The following DEPDC4 variants were observed in gnomAD, a reference collection of about 807,000 sequenced individuals.
DEPDC4 encodes the protein DEP domain-containing protein 4.
Under a neutral mutation model 52.0 loss-of-function variants are expected in DEPDC4, and 52 were observed. That is an observed-to-expected ratio of 1.00 (90% CI 0.80 to 1.26). DEPDC4 has a LOEUF of 1.26. DEPDC4 is among the 50% of genes most tolerant of loss of function. The probability of loss-of-function intolerance (pLI) is 0.00; values close to 1 mark genes in which losing one functional copy is unlikely to be tolerated. For synonymous variants in DEPDC4, 201 were observed against 196.8 expected (o/e 1.02, Z -0.18); for missense variants, 530 against 546.9 (o/e 0.97, Z 0.31).
At chr12:100,247,096 G>C (rs2096188541) in intron 8 of DEPDC4, among the ~76,000 whole-genome samples, 1 of 151,446 alleles carries the variant, frequency 6.6e-6, no homozygotes, top group South Asian at 2.1e-4. Flanking sequence ...AGATAAAATA[G>C]GTAAGCTATT....
intron 2 of DEPDC4, 44 bp from the exon 3 acceptor site, chr12:100,262,453 C>A (rs762693428): frequency 7.0e-7 from 1 of 1,419,940 alleles, no homozygotes. Flanking sequence ...TACACAGAAC[C>A]AAAATTTCAA....
chr12:100,244,310 G>A lies in DEPDC4; in HGVS notation c.1454-1741C>T, dbSNP rs576700007. 2.4e-3 allele frequency among the ~76,000 whole-genome samples: 367 copies of A among 149,812 alleles called. 2 individuals carry two copies. The highest frequency in any genetic ancestry group is 8.5e-3 in the African/African-American group (346 of 40,804). On this transcript the variant is annotated intron_variant, in intron 8 of 9. Coordinates refer to ENST00000550587, the MANE Select transcript of DEPDC4 (RefSeq NM_001364818.2). Reference sequence around the variant, plus strand: ...AGTCTCCTGCCTCAGCCCCCCGAGTGGCTGGGACTACAGGCACCCGCCACC... The same window carrying A: ...AGTCTCCTGCCTCAGCCCCCCGAGTAGCTGGGACTACAGGCACCCGCCACC...
At chr12:100,267,174 T>C, upstream of DEPDC4, 2 of 1,341,820 alleles carry the variant, frequency 1.5e-6, no homozygotes, top group Non-Finnish European at 2.0e-6. Context: ...CGGCAGGTCT[T>C]TTAGTCTTTT....
intron 4 of DEPDC4, 151 bp downstream of exon 4, chr12:100,255,898 T>C (rs183637906): frequency 7.6e-4 from 429 of 561,294 alleles, no homozygotes; most frequent in Admixed American, 1.2e-3. Context: ...AATGGCTTTA[T>C]TAGATCAAAT....
chr12:100,256,244 T>A lies in DEPDC4; in HGVS notation c.701-18A>T. On this transcript the variant is annotated intron_variant, in intron 3 of 9. Transcript: ENST00000550587. ...CCAAACATCTTGAAAAGGAAAGTAA[T>A]GCAATGATCAAGATTGGTAAATAAA... 6.4e-7 allele frequency: 1 copy of A among 1,574,784 alleles called. No individual in the cohort carries two copies. Among genetic ancestry groups the A allele is most frequent in the Non-Finnish European group, 8.7e-7 (1 of 1,149,796 alleles).
the DEPDC4 span, among the ~76,000 whole-genome samples, chr12:100,274,606 A>T: frequency 6.6e-6 from 1 of 152,218 alleles, no homozygotes; most frequent in South Asian, 2.1e-4. Flanking sequence ...TTAAATCTAC[A>T]GATTGCATCC....
chr12:100,267,047 C>A lies in DEPDC4; in HGVS notation c.30G>T (p.Glu10Asp), dbSNP rs780427983. 1 of 1,613,900 alleles carries A rather than the reference C, an allele frequency of 6.2e-7. No homozygotes were observed. Among genetic ancestry groups the A allele is most frequent in the East Asian group, 2.2e-5 (1 of 44,870 alleles). ...TCGGAGTCAAAAGAACCGCCATAAG[C>A]TCGCGCGCTGGCTCCTCCCCTGGCA... MVPGEEPAR[E>D]LMAVLLTPRF... The change falls in exon 1 of 10, where the codon GAG becomes GAT. Residue 10 changes from glutamate to aspartate, a missense_variant. By Grantham distance (45) the Glu-to-Asp change is conservative (BLOSUM62 2). Transcript: ENST00000550587.
intron 1 of DEPDC4, among the ~76,000 whole-genome samples, chr12:100,264,145 C>T (rs2096263796): frequency 6.6e-6 from 1 of 152,046 alleles, no homozygotes; most frequent in Non-Finnish European, 1.5e-5. Context: ...AATTTATATA[C>T]CCTTATTACA....
At chr12:100,268,199 A>G (rs1316699555), upstream of DEPDC4, among the ~76,000 whole-genome samples, 3 of 152,194 alleles carry the variant, frequency 2.0e-5, no homozygotes, top group East Asian at 5.8e-4. Context: ...TAGTACGTCA[A>G]ACTCAGGAAT....
intron 8 of DEPDC4, among the ~76,000 whole-genome samples, chr12:100,245,153 A>C (rs926772515): frequency 7.2e-5 from 11 of 151,952 alleles, no homozygotes; most frequent in Admixed American, 5.9e-4. Flanking sequence ...TACAGGTGTG[A>C]GCCACCACAC....
At chr12:100,249,418 G>A (rs2153907820) in intron 7 of DEPDC4, among the ~76,000 whole-genome samples, 1 of 152,270 alleles carries the variant, frequency 6.6e-6, no homozygotes, top group South Asian at 2.1e-4. Flanking sequence ...GGAGGGTGAA[G>A]TGGGAAGATC....
chr12:100,279,869 TG>T, the DEPDC4 span, among the ~76,000 whole-genome samples: 1 of 152,246 alleles, frequency 6.6e-6, no homozygotes, highest in Non-Finnish European at 1.5e-5. Flanking sequence ...TAAGCATGTG[TG>T]GGACCAGGGA....
Position 100,263,842 on chromosome 12 carries a change from G to C in DEPDC4, c.209C>G (p.Ser70Cys), listed in dbSNP as rs2096262666. Reference sequence around the variant, plus strand: ...TTTTATTTCCACTTGGGCCTGAAGAGAGTGAATAATACCATCCCATAGCTG... The same window carrying C: ...TTTTATTTCCACTTGGGCCTGAAGACAGTGAATAATACCATCCCATAGCTG... ...ATQLWDGIIHSLQAQVEIKRR... is the reference protein window; with the variant it reads ...ATQLWDGIIHCLQAQVEIKRR... The change falls in exon 2 of 10, where the codon TCT becomes TGT. Residue 70 changes from serine to cysteine, a missense_variant. By Grantham distance (112) the Ser-to-Cys change is moderately radical (BLOSUM62 -1). Transcript: ENST00000550587. 2.5e-6 allele frequency: 4 copies of C among 1,614,046 alleles called. No individual in the cohort carries two copies. Among genetic ancestry groups the C allele is most frequent in the Admixed American group, 3.3e-5 (2 of 60,002 alleles).
chr12:100,247,168 G>C (rs1781480872), intron 8 of DEPDC4, among the ~76,000 whole-genome samples: 1 of 144,256 alleles, frequency 6.9e-6, no homozygotes, highest in Non-Finnish European at 1.5e-5. Context: ...ATAGCATTGT[G>C]CAAAACACTT....
chr12:100,253,861 T>C (rs2153911160), intron 4 of DEPDC4, 146 bp from the exon 5 acceptor site: 2 of 393,288 alleles, frequency 5.1e-6, no homozygotes, highest in Admixed American at 3.9e-5. Context: ...AGCATTTCAA[T>C]ACATTTTGCT....
At chr12:100,272,479 A>G in the DEPDC4 span, among the ~76,000 whole-genome samples, 1 of 152,130 alleles carries the variant, frequency 6.6e-6, no homozygotes, top group Non-Finnish European at 1.5e-5. Context: ...TTTCAAGGCC[A>G]TAGTCTACCA....
chr12:100,243,052 G>A lies in DEPDC4; in HGVS notation c.1454-483C>T, dbSNP rs549086341. Among the ~76,000 whole-genome samples, 4 of 152,196 alleles carry A rather than the reference G, an allele frequency of 2.6e-5. No individual in the cohort carries two copies. In the Middle Eastern group the frequency reaches 0.01, roughly 388 times the overall value. ...CCTATATATACATACCTATATTAAA[G>A]TTTAATTTATTAATTAGGCATCATA... On this transcript the variant is annotated intron_variant, in intron 8 of 9. Transcript: ENST00000550587.
At chr12:100,245,334 T>G (rs1184020852) in intron 8 of DEPDC4, among the ~76,000 whole-genome samples, 4 of 152,104 alleles carry the variant, frequency 2.6e-5, no homozygotes, top group Non-Finnish European at 4.4e-5. Context: ...TGGCGAGATC[T>G]CGGCTCAATG....
the DEPDC4 span, among the ~76,000 whole-genome samples, chr12:100,277,733 A>G: frequency 2.0e-5 from 3 of 152,096 alleles, no homozygotes; most frequent in Non-Finnish European, 2.9e-5. Flanking sequence ...ATTTAAGTCA[A>G]CCATCTTGCT....
Sources: gnomAD v4.1 joint callset for allele counts (sites outside exome capture counted in the v4.1 genomes callset) on GRCh38, gnomAD v4.1.1 for gene constraint, MANE v1.5 for transcripts, NCBI Gene and HGNC (gene_info 2026-07-23, HGNC 2026-07-21) for gene names.